SQOR: variants seen among roughly 807,000 people sequenced by gnomAD.
SQOR encodes sulfide quinone oxidoreductase.
In SQOR, 39 loss-of-function variants were observed where a neutral mutation model predicts 48.6. That is an observed-to-expected ratio of 0.80 (90% CI 0.62 to 1.05). The LOEUF is 1.05. SQOR is among the 50% of genes least tolerant of loss of function. SQOR has a pLI of 0.00. For missense variants in SQOR, 561 were observed against 559.9 expected (o/e 1.00, Z -0.02); for synonymous variants, 220 against 206.2 (o/e 1.07, Z -0.57).
At chr15:45,650,415 G>A (rs1012357907) in intron 1 of SQOR, among the ~76,000 whole-genome samples, 1 of 152,120 alleles carries the variant, frequency 6.6e-6, no homozygotes, top group Admixed American at 6.5e-5. Context: ...GTGGGTTCGT[G>A]GTCTCCCTGG....
Position 45,673,729 on chromosome 15 carries a change from C to A in SQOR, c.582C>A (p.Phe194Leu), listed in dbSNP as rs1889984454. 1 of 1,614,072 alleles carries A rather than the reference C, an allele frequency of 6.2e-7. No individual in the cohort carries two copies. Among genetic ancestry groups the A allele is most frequent in the Non-Finnish European group, 8.5e-7 (1 of 1,180,036 alleles). The change falls in exon 5 of 10, where the codon TTC becomes TTA. Residue 194 changes from phenylalanine (F) to leucine (L), a missense_variant. Transcript: ENST00000260324. ...DFKEGNAIFTFPNTPVKCAGA... is the reference protein window; with the variant it reads ...DFKEGNAIFTLPNTPVKCAGA... ...AAGAGGGCAATGCCATCTTCACCTT[C>A]CCAAATACTCCAGTGAAGTGTGCTG...
At chr15:45,632,948 A>G (rs1469836250), upstream of SQOR, among the ~76,000 whole-genome samples, 2 of 151,856 alleles carry the variant, frequency 1.3e-5, no homozygotes, top group East Asian at 1.9e-4. Flanking sequence ...CTACAAAAAA[A>G]AAAAATAAAT....
In SQOR at chr15:45,673,621, TGAA is replaced by T; in HGVS notation, c.476_478del (p.Glu159del). On this transcript the variant is annotated inframe_deletion, in exon 5 of 10. Transcript: ENST00000260324. ...CTTTGTTGCAGATTAAAGGCCTACC[TGAA>T]GGTTTCGCTCATCCCAAAATAGGGT... The T allele has an allele frequency of 6.2e-7, 1 of 1,613,756 alleles. No individual in the cohort carries two copies. The highest frequency in any genetic ancestry group is 8.5e-7 in the Non-Finnish European group (1 of 1,179,774).
At chr15:45,678,382 C>T (rs914905221) in intron 6 of SQOR, among the ~76,000 whole-genome samples, 3 of 152,184 alleles carry the variant, frequency 2.0e-5, no homozygotes, top group African/African-American at 4.8e-5. Flanking sequence ...CAGCGAGAGT[C>T]TTTGCTTCTT....
At chr15:45,650,555 G>T (rs374994247) in intron 1 of SQOR, among the ~76,000 whole-genome samples, 4 of 152,190 alleles carry the variant, frequency 2.6e-5, no homozygotes, top group African/African-American at 9.7e-5. Flanking sequence ...TCCACAACAC[G>T]AAAGAGGACC....
intron 6 of SQOR, among the ~76,000 whole-genome samples, chr15:45,680,087 C>T (rs551582075): frequency 4.1e-5 from 6 of 147,048 alleles, no homozygotes; most frequent in Admixed American, 6.7e-5. Flanking sequence ...TTGTTTTTTT[C>T]TTTCTTTCTT....
chr15:45,642,008 C>T (rs1333893428), intron 1 of SQOR, among the ~76,000 whole-genome samples: 1 of 152,184 alleles, frequency 6.6e-6, no homozygotes, highest in Non-Finnish European at 1.5e-5. Flanking sequence ...TCTTCATATT[C>T]CTGGTCTTTC....
At chr15:45,684,341 G>A (rs1365471466) in intron 7 of SQOR, among the ~76,000 whole-genome samples, 2 of 152,078 alleles carry the variant, frequency 1.3e-5, no homozygotes, top group Non-Finnish European at 2.9e-5. Flanking sequence ...TATAGAGCAG[G>A]CCTTCTGACA....
intron 7 of SQOR, among the ~76,000 whole-genome samples, chr15:45,686,432 G>A (rs1030611848): frequency 2.0e-5 from 3 of 152,074 alleles, no homozygotes; most frequent in Admixed American, 6.6e-5. Context: ...GATTACAGGC[G>A]TGAGCCACCG....
At chr15:45,684,770 T>G (rs1228631593) in intron 7 of SQOR, among the ~76,000 whole-genome samples, 1 of 152,232 alleles carries the variant, frequency 6.6e-6, no homozygotes, top group Admixed American at 6.5e-5. Context: ...CTTTTAGCCT[T>G]CTTCAAACAA....
At chr15:45,676,707 C>T (rs1293705622) in intron 6 of SQOR, among the ~76,000 whole-genome samples, 1 of 152,172 alleles carries the variant, frequency 6.6e-6, no homozygotes, top group Admixed American at 6.5e-5. Context: ...GAGAAACAGT[C>T]CTGCTTGTGA....
At chr15:45,677,352 G>T (rs1890055888) in intron 6 of SQOR, among the ~76,000 whole-genome samples, 1 of 152,118 alleles carries the variant, frequency 6.6e-6, no homozygotes, top group Admixed American at 6.6e-5. Context: ...AAATAGAAGT[G>T]TTCTCTTACA....
intron 3 of SQOR, among the ~76,000 whole-genome samples, chr15:45,669,413 C>T (rs2140953933): frequency 6.6e-6 from 1 of 152,288 alleles, no homozygotes; most frequent in South Asian, 2.1e-4. Flanking sequence ...ATCCACCTGC[C>T]TCGGCCTCCC....
intron 1 of SQOR, among the ~76,000 whole-genome samples, chr15:45,656,742 G>T (rs1206221398): frequency 6.6e-6 from 1 of 152,108 alleles, no homozygotes; most frequent in Non-Finnish European, 1.5e-5. Flanking sequence ...CTCTTACATA[G>T]TTGAGAGAAT....
intron 1 of SQOR, among the ~76,000 whole-genome samples, chr15:45,650,073 C>T (rs1359005683): frequency 6.6e-6 from 1 of 151,742 alleles, no homozygotes; most frequent in Admixed American, 6.6e-5. Context: ...TAACTCATGA[C>T]CTCAAGTGAT....
intron 1 of SQOR, among the ~76,000 whole-genome samples, chr15:45,654,257 G>GAT (rs1296624344): frequency 2.0e-5 from 3 of 152,290 alleles, no homozygotes; most frequent in Admixed American, 6.5e-5. Flanking sequence ...TTCTGATTTG[G>GAT]AAGTTTAGGT....
intron 1 of SQOR, among the ~76,000 whole-genome samples, chr15:45,647,697 C>G (rs937922999): frequency 6.6e-6 from 1 of 152,102 alleles, no homozygotes; most frequent in African/African-American, 2.4e-5. Context: ...GGGTGGATCT[C>G]TTGAGGCCAG....
chr15:45,641,607 T>C (rs1895105292), intron 1 of SQOR, among the ~76,000 whole-genome samples: 1 of 152,224 alleles, frequency 6.6e-6, no homozygotes, highest in Non-Finnish European at 1.5e-5. Flanking sequence ...GTTAACAGTA[T>C]AGTAATCCAG....
intron 6 of SQOR, among the ~76,000 whole-genome samples, chr15:45,677,361 C>T (rs1890056080): frequency 6.6e-6 from 1 of 152,200 alleles, no homozygotes; most frequent in South Asian, 2.1e-4. Context: ...TGTTCTCTTA[C>T]ATAACCACAG....
Sources: gnomAD v4.1 joint callset for allele counts (sites outside exome capture counted in the v4.1 genomes callset) on GRCh38, gnomAD v4.1.1 for gene constraint, MANE v1.5 for transcripts, NCBI Gene and HGNC (gene_info 2026-07-23, HGNC 2026-07-21) for gene names.